The following MEF2C variants were observed in gnomAD, a reference collection of about 807,000 sequenced individuals.
The protein encoded by MEF2C is myocyte enhancer factor 2C.
MEF2C carries 6 observed loss-of-function variants against 50.5 expected under a neutral mutation model. That is an observed-to-expected ratio of 0.12 (90% CI 0.07 to 0.23). MEF2C has a LOEUF of 0.23. MEF2C is among the 10% of genes least tolerant of loss of function. MEF2C has a pLI of 1.00. For missense variants in MEF2C, 276 were observed against 605.0 expected, an observed-to-expected ratio of 0.46 and a Z score of 5.70; for synonymous variants, 183 against 228.0, an observed-to-expected ratio of 0.80 and a Z score of 1.78.
chr5:88,835,121 T>C (rs1407555664), intron 1 of MEF2C, among the ~76,000 whole-genome samples: 1 of 152,214 alleles, frequency 6.6e-6, no homozygotes, highest in Non-Finnish European at 1.5e-5. Flanking sequence ...CTCTTTTCAT[T>C]TCACAATGCT....
chr5:88,851,923 CA>C (rs1442994622), intron 1 of MEF2C, among the ~76,000 whole-genome samples: 1 of 152,116 alleles, frequency 6.6e-6, no homozygotes, highest in African/African-American at 2.4e-5. Context: ...TCAATACAAT[CA>C]GACTCAATCA....
chr5:88,854,406 A>G (rs1352973552), intron 1 of MEF2C, among the ~76,000 whole-genome samples: 1 of 152,208 alleles, frequency 6.6e-6, no homozygotes, highest in Non-Finnish European at 1.5e-5. Context: ...CATTTTATCA[A>G]ACTTGGAAAG....
intron 3 of MEF2C, among the ~76,000 whole-genome samples, chr5:88,802,080 A>G (rs1798601212): frequency 6.6e-6 from 1 of 152,234 alleles, no homozygotes; most frequent in South Asian, 2.1e-4. Flanking sequence ...GAGCCATCCA[A>G]TCTCTAGATT....
chr5:88,739,030 G>A, intron 6 of MEF2C: 1 of 981,228 alleles, frequency 1.0e-6, no homozygotes. Flanking sequence ...CTTCTCCCCT[G>A]TAATATACTT....
chr5:88,864,429 T>C (rs890753604), intron 1 of MEF2C, among the ~76,000 whole-genome samples: 3 of 151,876 alleles, frequency 2.0e-5, no homozygotes, highest in African/African-American at 7.2e-5. Flanking sequence ...CTGCAATACC[T>C]GGATGGCAGG....
At chr5:88,792,386 T>C (rs566024852) in intron 3 of MEF2C, among the ~76,000 whole-genome samples, 3 of 152,284 alleles carry the variant, frequency 2.0e-5, no homozygotes, top group Non-Finnish European at 4.4e-5. Flanking sequence ...TTTAGTTTTA[T>C]GGTGAGTGTT....
At chr5:88,733,550 T>C (rs1454727319) in intron 6 of MEF2C, 1 of 985,224 alleles carries the variant, frequency 1.0e-6, no homozygotes, top group African/African-American at 1.7e-5. Context: ...ATAGAGGCCA[T>C]GAGGAACTGG....
upstream of MEF2C, chr5:88,883,253 AG>A (rs144197632): frequency 0.019 from 2,605 of 133,628 alleles, 30 homozygotes; most frequent in East Asian, 0.039. Flanking sequence ...AGCGCGCGCG[AG>A]GGGGGGGGCG....
chr5:88,753,023 T>C (rs1363295531), intron 4 of MEF2C, among the ~76,000 whole-genome samples: 1 of 152,202 alleles, frequency 6.6e-6, no homozygotes, highest in African/African-American at 2.4e-5. Context: ...GGCATTCCCT[T>C]GGGGGTTCTC....
intron 1 of MEF2C, among the ~76,000 whole-genome samples, chr5:88,870,667 G>A (rs1485818879): frequency 6.6e-6 from 1 of 152,052 alleles, no homozygotes; most frequent in Non-Finnish European, 1.5e-5. Flanking sequence ...TTTTAAAGGA[G>A]TTCTTTGTAA....
intron 1 of MEF2C, among the ~76,000 whole-genome samples, chr5:88,895,344 T>C (rs1835009815): frequency 6.6e-6 from 1 of 152,196 alleles, no homozygotes; most frequent in Admixed American, 6.5e-5. Flanking sequence ...GTGTTCTATA[T>C]AATATTGTCT....
chr5:88,745,493 G>A (rs1218349472), intron 6 of MEF2C, among the ~76,000 whole-genome samples: 5 of 152,200 alleles, frequency 3.3e-5, no homozygotes. Flanking sequence ...ATTGCCAAGT[G>A]GCGGCACAGT....
At chr5:88,865,465 T>G (rs1360367930) in intron 1 of MEF2C, among the ~76,000 whole-genome samples, 1 of 152,232 alleles carries the variant, frequency 6.6e-6, no homozygotes, top group Non-Finnish European at 1.5e-5. Context: ...ATATTACTAA[T>G]AAGTTTATGC....
At chr5:88,830,193 A>C (rs924918641) in intron 1 of MEF2C, among the ~76,000 whole-genome samples, 1 of 152,042 alleles carries the variant, frequency 6.6e-6, no homozygotes, top group African/African-American at 2.4e-5. Flanking sequence ...TTCAGGCTGC[A>C]AAAGTGGAAA....
At chr5:88,739,928 G>C in intron 6 of MEF2C, 2 of 985,152 alleles carry the variant, frequency 2.0e-6, no homozygotes, top group African/African-American at 3.5e-5. Context: ...ACAAAATAAA[G>C]GCTCCACTTT....
intron 3 of MEF2C, among the ~76,000 whole-genome samples, chr5:88,778,733 A>AT (rs1164940059): frequency 1.3e-5 from 2 of 152,172 alleles, no homozygotes; most frequent in Non-Finnish European, 2.9e-5. Context: ...AAACTTCCCA[A>AT]TTTTTTCAAC....
Position 88,719,756 on chromosome 5 carries a change from A to C in MEF2C, c.*2848T>G. ...TCAAAATTGTGCTTCTTCTCATTAAATCATCTTTTAAAAATTCTCAGATTA... is the reference window on the plus strand; with the variant it reads ...TCAAAATTGTGCTTCTTCTCATTAACTCATCTTTTAAAAATTCTCAGATTA... On this transcript the variant is annotated 3_prime_UTR_variant, in exon 11 of 11. Coordinates refer to ENST00000504921, the MANE Select transcript of MEF2C (RefSeq NM_002397.5). 1 of 152,200 alleles carries C rather than the reference A, an allele frequency of 6.6e-6. No individual in the cohort carries two copies. Among genetic ancestry groups the C allele is most frequent in the East Asian group, 1.9e-4 (1 of 5,196 alleles). 9.4% of individuals were successfully genotyped at this position (152,200 alleles called of 1,614,324 possible). A position where few individuals can be genotyped will look rare whatever the true frequency, so the allele number is the denominator to read the frequency against.
intron 1 of MEF2C, among the ~76,000 whole-genome samples, chr5:88,891,946 C>T (rs1275472617): frequency 1.3e-5 from 2 of 152,042 alleles, no homozygotes; most frequent in African/African-American, 2.4e-5. Flanking sequence ...TTTAACTTAA[C>T]ACTTAGTTAA....
At chr5:88,743,106 C>G (rs1767620519) in intron 6 of MEF2C, 1 of 963,606 alleles carries the variant, frequency 1.0e-6, no homozygotes, top group Non-Finnish European at 1.2e-6. Flanking sequence ...AACTATTAAC[C>G]TAGATTTTTT....
Sources: allele counts gnomAD v4.1 joint callset (sites outside exome capture counted in the v4.1 genomes callset), GRCh38; gene constraint gnomAD v4.1.1; transcripts MANE v1.5; gene names NCBI Gene and HGNC (gene_info 2026-07-23, HGNC 2026-07-21).